FAM178B: variants seen among roughly 807,000 people sequenced by gnomAD.
FAM178B encodes family with sequence similarity 178 member B.
FAM178B carries 82 observed loss-of-function variants against 91.7 expected under a neutral mutation model. That is an observed-to-expected ratio of 0.89 (90% CI 0.75 to 1.07). FAM178B has a LOEUF of 1.07. FAM178B is among the 50% of genes least tolerant of loss of function. The probability of loss-of-function intolerance (pLI) is 0.00; values close to 1 mark genes in which losing one functional copy is unlikely to be tolerated. For missense variants in FAM178B, 769 were observed against 846.7 expected (o/e 0.91, Z 1.14); for synonymous variants, 368 against 359.4 (o/e 1.02, Z -0.27).
At chr2:96,937,052 TTTG>T (rs143294079) in intron 8 of FAM178B, among the ~76,000 whole-genome samples, 1,764 of 119,128 alleles carry the variant, frequency 0.015, 49 homozygotes, top group African/African-American at 0.079. Context: ...ATGCCCAGGT[TTTG>T]TTGTTGTTGT....
chr2:96,985,164 G>GC (rs1431284832), intron 1 of FAM178B, among the ~76,000 whole-genome samples: 1 of 152,090 alleles, frequency 6.6e-6, no homozygotes, highest in Non-Finnish European at 1.5e-5. Flanking sequence ...GGATATGAAG[G>GC]CCCCCCAGTC....
intron 16 of FAM178B, among the ~76,000 whole-genome samples, chr2:96,877,099 G>A (rs2080261458): frequency 6.6e-6 from 1 of 152,110 alleles, no homozygotes. Flanking sequence ...TTGAGAAACG[G>A]ATCTTCATTC....
chr2:96,961,402 C>T (rs574201367), intron 5 of FAM178B, among the ~76,000 whole-genome samples: 2 of 152,082 alleles, frequency 1.3e-5, no homozygotes, highest in South Asian at 4.2e-4. Flanking sequence ...CGTGCAACGC[C>T]CACCCCCAGC....
intron 5 of FAM178B, among the ~76,000 whole-genome samples, chr2:96,965,634 T>C (rs1321076407): frequency 6.6e-6 from 1 of 152,126 alleles, no homozygotes; most frequent in African/African-American, 2.4e-5. Flanking sequence ...GTGTACTTTT[T>C]AAAAATGTTT....
At chr2:96,977,543 C>T (rs988307432) in intron 1 of FAM178B, among the ~76,000 whole-genome samples, 1 of 147,232 alleles carries the variant, frequency 6.8e-6, no homozygotes, top group Non-Finnish European at 1.5e-5. Flanking sequence ...GAGTCTGGAA[C>T]ATTTGCCAAA....
intron 8 of FAM178B, among the ~76,000 whole-genome samples, chr2:96,940,801 T>C (rs1024002148): frequency 6.6e-6 from 1 of 152,238 alleles, no homozygotes; most frequent in East Asian, 1.9e-4. Flanking sequence ...TGCAAGTTAA[T>C]GTATTCAGTT....
intron 1 of FAM178B, among the ~76,000 whole-genome samples, chr2:96,984,038 C>T (rs976836156): frequency 2.0e-5 from 3 of 152,102 alleles, no homozygotes; most frequent in Non-Finnish European, 2.9e-5. Context: ...GGCACAATCT[C>T]GGTTCACTGC....
At chr2:96,886,694 G>A (rs554154451) in intron 14 of FAM178B, among the ~76,000 whole-genome samples, 9 of 152,212 alleles carry the variant, frequency 5.9e-5, no homozygotes, top group Non-Finnish European at 1.2e-4. Context: ...AACGTGATGC[G>A]CAGAGAGCAC....
intron 14 of FAM178B, among the ~76,000 whole-genome samples, chr2:96,883,271 CG>C (rs1243146054): frequency 6.6e-6 from 1 of 152,110 alleles, no homozygotes; most frequent in African/African-American, 2.4e-5. Flanking sequence ...TTGTCATAGA[CG>C]AAAGGGAAAA....
intron 16 of FAM178B, among the ~76,000 whole-genome samples, chr2:96,876,544 C>T (rs1285243299): frequency 2.0e-5 from 3 of 152,202 alleles, no homozygotes; most frequent in Non-Finnish European, 4.4e-5. Context: ...ACTTTTCCTT[C>T]TTCTCGTGAC....
In FAM178B at chr2:96,972,248, G is replaced by T. The variant is rs527349442; in HGVS notation, c.217C>A (p.Gln73Lys). 1.2e-5 allele frequency: 18 copies of T among 1,513,170 alleles called. No individual in the cohort carries two copies. Among genetic ancestry groups the T allele is most frequent in the Non-Finnish European group, 1.5e-5 (17 of 1,131,244 alleles). 93.7% of individuals were successfully genotyped at this position (1,513,170 alleles called of 1,614,324 possible). A position where few individuals can be genotyped will look rare whatever the true frequency, so the allele number is the denominator to read the frequency against. The change falls in exon 3 of 17, where the codon CAG becomes AAG. Residue 73 changes from glutamine (Q) to lysine (K), a missense_variant. Physicochemically the swap from Gln to Lys is moderately conservative, Grantham distance 53. Transcript: ENST00000490605. ...CGCCGGGCAGGGCAGCGGGGCCCCTGGTCCAGGGGATGGTCTGACAAGCCA... is the reference window on the plus strand; with the variant it reads ...CGCCGGGCAGGGCAGCGGGGCCCCTTGTCCAGGGGATGGTCTGACAAGCCA... The part of the protein sequence containing the change: ...EDGLSDHPLD[Q>K]GPRCPARRPC...
intron 12 of FAM178B, among the ~76,000 whole-genome samples, chr2:96,917,516 G>A (rs2081261137): frequency 6.6e-6 from 1 of 152,184 alleles, no homozygotes; most frequent in Non-Finnish European, 1.5e-5. Flanking sequence ...ATAAACTTAG[G>A]ATATGGAGAA....
At chr2:96,931,356 C>A (rs2081535865) in intron 8 of FAM178B, among the ~76,000 whole-genome samples, 1 of 152,082 alleles carries the variant, frequency 6.6e-6, no homozygotes. Context: ...GAACAGAAGC[C>A]AGATCAAGAA....
intron 12 of FAM178B, among the ~76,000 whole-genome samples, chr2:96,912,552 T>G (rs1247327696): frequency 6.6e-6 from 1 of 151,466 alleles, no homozygotes; most frequent in African/African-American, 2.4e-5. Context: ...GCCCGAGAGG[T>G]CCCTGGTGAC....
intron 13 of FAM178B, among the ~76,000 whole-genome samples, chr2:96,900,541 C>G (rs2080908102): frequency 6.6e-6 from 1 of 152,026 alleles, no homozygotes; most frequent in Non-Finnish European, 1.5e-5. Flanking sequence ...AACACAGATG[C>G]TGAGCAAACA....
intron 5 of FAM178B, among the ~76,000 whole-genome samples, chr2:96,962,952 G>A (rs775989963): frequency 6.6e-6 from 1 of 152,198 alleles, no homozygotes; most frequent in Non-Finnish European, 1.5e-5. Context: ...ACTGGTGAAT[G>A]ACTTTTGTAA....
intron 9 of FAM178B, among the ~76,000 whole-genome samples, chr2:96,924,476 G>A (rs1013394025): frequency 3.9e-5 from 6 of 152,204 alleles, no homozygotes; most frequent in African/African-American, 1.4e-4. Flanking sequence ...AGAGACCAGG[G>A]CTGGGGAAAG....
intron 1 of FAM178B, among the ~76,000 whole-genome samples, chr2:96,981,749 AAAAAAAAAAAAAAG>A (rs1372798416): frequency 7.4e-4 from 102 of 137,590 alleles, no homozygotes; most frequent in Admixed American, 5.5e-3. Context: ...TCAAAAAAAA[AAAAAAAAAAAAAAG>A]AAAGAAAGAA....
intron 13 of FAM178B, among the ~76,000 whole-genome samples, chr2:96,900,949 G>A (rs2080915664): frequency 6.6e-6 from 1 of 152,156 alleles, no homozygotes; most frequent in African/African-American, 2.4e-5. Context: ...AGCACCCCTA[G>A]TGTAGCTGAG....
Sources: gnomAD v4.1 joint callset for allele counts (sites outside exome capture counted in the v4.1 genomes callset) on GRCh38, gnomAD v4.1.1 for gene constraint, MANE v1.5 for transcripts, NCBI Gene and HGNC (gene_info 2026-07-23, HGNC 2026-07-21) for gene names.